PCDH15: variants seen among roughly 807,000 people sequenced by gnomAD.
PCDH15 encodes protocadherin-15.
In PCDH15, 129 loss-of-function variants were observed where a neutral mutation model predicts 178.5. The observed-to-expected ratio is 0.72, with a 90% CI of 0.63 to 0.84. The LOEUF (loss-of-function observed/expected upper bound fraction) is 0.84. Among genes scored for constraint, PCDH15 ranks in the 40% least tolerant of loss-of-function variants. The pLI is 0.00. For missense variants in PCDH15, 2,230 were observed against 2,099.9 expected, an observed-to-expected ratio of 1.06 and a Z score of -1.21; for synonymous variants, 800 against 732.0, an observed-to-expected ratio of 1.09 and a Z score of -1.50.
chr10:55,529,071 GTTGT>G (rs925086372), intron 2 of PCDH15, among the ~76,000 whole-genome samples: 183 of 152,066 alleles, frequency 1.2e-3, no homozygotes, highest in African/African-American at 4.1e-3. Flanking sequence ...TTTTGATGGG[GTTGT>G]TTGTTTTTTT....
intron 37 of PCDH15, among the ~76,000 whole-genome samples, chr10:53,809,800 T>C (rs2075800404): frequency 6.6e-6 from 1 of 152,208 alleles, no homozygotes; most frequent in Non-Finnish European, 1.5e-5. Context: ...TACTCAACGT[T>C]TAATTTTCCT....
At chr10:55,470,387 T>G (rs1219842684) in intron 2 of PCDH15, among the ~76,000 whole-genome samples, 1 of 152,048 alleles carries the variant, frequency 6.6e-6, no homozygotes, top group Non-Finnish European at 1.5e-5. Context: ...TCCCTACCCA[T>G]TTATTAAATA....
chr10:53,973,458 AAAC>A (rs1206987832), intron 21 of PCDH15, among the ~76,000 whole-genome samples: 1 of 152,182 alleles, frequency 6.6e-6, no homozygotes, highest in Non-Finnish European at 1.5e-5. Flanking sequence ...TAAATTAAAA[AAAC>A]AAATCAATAT....
intron 1 of PCDH15, among the ~76,000 whole-genome samples, chr10:55,250,781 C>T (rs1224147336): frequency 1.3e-5 from 2 of 151,722 alleles, no homozygotes; most frequent in Non-Finnish European, 2.9e-5. Flanking sequence ...GTGATCCACC[C>T]GCCTCAGCCT....
At chr10:54,276,834 C>A (rs1057267865) in intron 8 of PCDH15, among the ~76,000 whole-genome samples, 39 of 151,496 alleles carry the variant, frequency 2.6e-4, no homozygotes, top group African/African-American at 9.2e-4. Flanking sequence ...ATCATTTCCA[C>A]AAATTAACAA....
chr10:54,632,930 G>A (rs950119697), intron 2 of PCDH15, among the ~76,000 whole-genome samples: 1 of 152,088 alleles, frequency 6.6e-6, no homozygotes, highest in African/African-American at 2.4e-5. Context: ...ACAAGGATAG[G>A]TAAGAGACAG....
chr10:55,499,884 AGATGTTTTTGAAATCTACT>A (rs1479150501), intron 2 of PCDH15, among the ~76,000 whole-genome samples: 1 of 151,730 alleles, frequency 6.6e-6, no homozygotes, highest in Non-Finnish European at 1.5e-5. Flanking sequence ...TAAATGTGAA[AGATGTTTTTGAAATCTACT>A]TAATGCATCG....
At chr10:54,410,669 T>C (rs1311211800) in intron 3 of PCDH15, among the ~76,000 whole-genome samples, 2 of 152,148 alleles carry the variant, frequency 1.3e-5, no homozygotes, top group African/African-American at 2.4e-5. Context: ...ACTCACAATG[T>C]ACACATTTTC....
chr10:54,427,722 G>A (rs1370659549), intron 3 of PCDH15, among the ~76,000 whole-genome samples: 4 of 152,062 alleles, frequency 2.6e-5, no homozygotes, highest in East Asian at 1.9e-4. Flanking sequence ...GTATTAATGT[G>A]TTTTAGTTTC....
chr10:54,207,744 T>C (rs1003216960), intron 10 of PCDH15, among the ~76,000 whole-genome samples: 16 of 152,082 alleles, frequency 1.1e-4, no homozygotes, highest in African/African-American at 3.9e-4. Context: ...TCTATCCAAG[T>C]GTATCACTTT....
chr10:54,201,264 T>G (rs1470582804), intron 10 of PCDH15, among the ~76,000 whole-genome samples: 1 of 152,144 alleles, frequency 6.6e-6, no homozygotes, highest in Non-Finnish European at 1.5e-5. Flanking sequence ...TTAGTAAACT[T>G]GAGATGAAAA....
chr10:54,298,373 G>C (rs552782414), intron 8 of PCDH15, among the ~76,000 whole-genome samples: 2 of 152,122 alleles, frequency 1.3e-5, no homozygotes, highest in East Asian at 3.9e-4. Context: ...AAGAGGAACC[G>C]GCCCAAAAGG....
chr10:54,990,457 C>T (rs143559926), intron 2 of PCDH15, among the ~76,000 whole-genome samples: 3 of 152,254 alleles, frequency 2.0e-5, no homozygotes, highest in African/African-American at 4.8e-5. Context: ...TTATTAGACT[C>T]ATCTATCTAG....
chr10:54,873,026 G>A (rs1246212019), intron 3 of PCDH15, among the ~76,000 whole-genome samples: 1 of 92,410 alleles, frequency 1.1e-5, no homozygotes, highest in Admixed American at 9.7e-5. Context: ...GAAAAAAAAC[G>A]AAACAATTTT....
At chr10:54,778,744 G>C (rs1385560074) in intron 1 of PCDH15, among the ~76,000 whole-genome samples, 1 of 151,970 alleles carries the variant, frequency 6.6e-6, no homozygotes, top group African/African-American at 2.4e-5. Flanking sequence ...TGGTCGTATT[G>C]AATCTCACAT....
chr10:54,427,636 G>A (rs1956452986), intron 3 of PCDH15, among the ~76,000 whole-genome samples: 1 of 151,844 alleles, frequency 6.6e-6, no homozygotes. Context: ...ATACAGTGTA[G>A]GGTCATTTAA....
At chr10:54,641,356 T>G (rs1565826543) in intron 2 of PCDH15, among the ~76,000 whole-genome samples, 1 of 152,256 alleles carries the variant, frequency 6.6e-6, no homozygotes, top group East Asian at 1.9e-4. Context: ...AGATAAGAGA[T>G]ACAAATTTTT....
At chr10:54,022,263 A>G (rs545806951) in intron 19 of PCDH15, among the ~76,000 whole-genome samples, 1 of 152,222 alleles carries the variant, frequency 6.6e-6, no homozygotes, top group Admixed American at 6.6e-5. Flanking sequence ...AAAAACTTAA[A>G]AAAGAGGCTT....
In PCDH15 at chr10:54,409,879, C is replaced by T. The variant is rs146027022; in HGVS notation, c.158-30937G>A. On this transcript the variant is annotated intron_variant, in intron 3 of 37. Coordinates refer to ENST00000644397, the MANE Select transcript of PCDH15 (RefSeq NM_001384140.1). ...CCTCTCACTATGTGCTGCCCTCTCA[C>T]CATGTATGATACAGCAATAAAACCC... Among the ~76,000 whole-genome samples, 5 of 152,212 alleles carry T rather than the reference C, an allele frequency of 3.3e-5. 1 individual carries two copies. In the East Asian group the frequency reaches 7.7e-4, roughly 24 times the overall value.
Sources: gnomAD v4.1 joint callset for allele counts (sites outside exome capture counted in the v4.1 genomes callset) on GRCh38, gnomAD v4.1.1 for gene constraint, MANE v1.5 for transcripts, NCBI Gene and HGNC (gene_info 2026-07-23, HGNC 2026-07-21) for gene names.